PLPP3: variants seen among roughly 807,000 people sequenced by gnomAD.
PLPP3 encodes phospholipid phosphatase 3.
In PLPP3, 6 loss-of-function variants were observed where a neutral mutation model predicts 29.6. The observed-to-expected ratio is 0.20, with a 90% CI of 0.11 to 0.40. PLPP3 has a LOEUF of 0.40. PLPP3 is among the 10% of genes least tolerant of loss of function. The pLI is 1.00. For missense variants in PLPP3, 308 were observed against 407.7 expected, an observed-to-expected ratio of 0.76 and a Z score of 2.11; for synonymous variants, 152 against 159.7, an observed-to-expected ratio of 0.95 and a Z score of 0.36.
At chr1:56,572,659 A>G (rs1646207444) in intron 1 of PLPP3, among the ~76,000 whole-genome samples, 1 of 152,132 alleles carries the variant, frequency 6.6e-6, no homozygotes, top group Admixed American at 6.5e-5. Context: ...TCTTCTCAGA[A>G]TCTTTTTCCT....
chr1:56,518,361 T>C (rs75744004), intron 4 of PLPP3, among the ~76,000 whole-genome samples: 3,389 of 152,134 alleles, frequency 0.022, 124 homozygotes, highest in African/African-American at 0.077. Context: ...GCCACTTCCA[T>C]TTCCTTGGCA....
intron 1 of PLPP3, among the ~76,000 whole-genome samples, chr1:56,541,503 T>A (rs988162699): frequency 6.6e-6 from 1 of 152,160 alleles, no homozygotes; most frequent in African/African-American, 2.4e-5. Context: ...AGGCATTGAC[T>A]GGGCCACTGA....
intron 5 of PLPP3, among the ~76,000 whole-genome samples, chr1:56,497,071 C>T (rs370274222): frequency 1.5e-3 from 226 of 152,324 alleles, no homozygotes; most frequent in Middle Eastern, 0.01. Flanking sequence ...CCTTTCCTCA[C>T]AAAGGAATCC....
chr1:56,502,281 C>T (rs1000841746), intron 5 of PLPP3, among the ~76,000 whole-genome samples: 14 of 152,130 alleles, frequency 9.2e-5, no homozygotes, highest in South Asian at 4.1e-4. Context: ...CCCATCCTTA[C>T]GTAACACATT....
intron 4 of PLPP3, among the ~76,000 whole-genome samples, chr1:56,516,727 T>C (rs1398747765): frequency 6.6e-6 from 1 of 151,732 alleles, no homozygotes; most frequent in Non-Finnish European, 1.5e-5. Context: ...ACGTACAGCT[T>C]GTATATAATC....
chr1:56,553,013 C>T (rs1188009156), intron 1 of PLPP3, among the ~76,000 whole-genome samples: 4 of 152,160 alleles, frequency 2.6e-5, no homozygotes, highest in African/African-American at 7.2e-5. Flanking sequence ...ACTAGCTGGT[C>T]ATGTCCCAAA....
Position 56,511,924 on chromosome 1 carries a change from C to T in PLPP3, c.810+52G>A, listed in dbSNP as rs1034725673. On this transcript the variant is annotated intron_variant, in intron 5 of 5. Transcript: ENST00000371250. Reference sequence around the variant, plus strand: ...TAGTCACTGAGCTGGAAACATTTAACAAGCAACAGTCCAGGGCTCCACTTG... The same window carrying T: ...TAGTCACTGAGCTGGAAACATTTAATAAGCAACAGTCCAGGGCTCCACTTG... 38 of 1,599,860 alleles carry T rather than the reference C, an allele frequency of 2.4e-5. No individual in the cohort carries two copies. In the East Asian group the frequency reaches 4.9e-4, roughly 21 times the overall value.
At chr1:56,520,058 A>G (rs1035927145) in intron 4 of PLPP3, among the ~76,000 whole-genome samples, 3 of 152,298 alleles carry the variant, frequency 2.0e-5, no homozygotes, top group Admixed American at 1.3e-4. Context: ...GGGCAGTTCA[A>G]ACTTTTTTCA....
At chr1:56,567,673 A>G (rs1646170844) in intron 1 of PLPP3, among the ~76,000 whole-genome samples, 1 of 152,190 alleles carries the variant, frequency 6.6e-6, no homozygotes, top group Non-Finnish European at 1.5e-5. Context: ...CTGGGATTAC[A>G]GGCGTGAGCC....
At chr1:56,535,469 C>A (rs1342891897) in intron 2 of PLPP3, among the ~76,000 whole-genome samples, 2 of 152,160 alleles carry the variant, frequency 1.3e-5, no homozygotes, top group South Asian at 4.1e-4. Flanking sequence ...GTTGGGGAAG[C>A]AATGCTGTTG....
intron 1 of PLPP3, among the ~76,000 whole-genome samples, chr1:56,547,740 A>G (rs1334746617): frequency 6.6e-6 from 1 of 152,112 alleles, no homozygotes; most frequent in Non-Finnish European, 1.5e-5. Flanking sequence ...GCACACCCCT[A>G]ACCCATTTGC....
intron 1 of PLPP3, among the ~76,000 whole-genome samples, chr1:56,554,080 A>G (rs552288220): frequency 6.6e-6 from 1 of 151,974 alleles, no homozygotes; most frequent in East Asian, 1.9e-4. Flanking sequence ...TTTTTTTTTA[A>G]TGAGACTCGA....
Position 56,496,557 on chromosome 1 carries a change from C to G in PLPP3, c.930G>C (p.Met310Ile). Reference protein sequence around the residue: ...DIIDRNNHHNMM With the variant: ...DIIDRNNHHNIM ...CTCAGGAGGTGGGTGGCACCTACATCATGTTGTGGTGATTGTTCCTGTCAA... is the reference window on the plus strand; with the variant it reads ...CTCAGGAGGTGGGTGGCACCTACATGATGTTGTGGTGATTGTTCCTGTCAA... The change falls in exon 6 of 6, where the codon ATG (methionine) becomes ATC (isoleucine). Residue 310 changes from methionine to isoleucine, a missense_variant. Met to Ile is a conservative substitution (Grantham distance 10). Transcript: ENST00000371250. 2 of 1,613,914 alleles carry G rather than the reference C, an allele frequency of 1.2e-6. No individual in the cohort carries two copies. The highest frequency in any genetic ancestry group is 1.7e-6 in the Non-Finnish European group (2 of 1,179,922).
intron 5 of PLPP3, among the ~76,000 whole-genome samples, chr1:56,500,997 C>T (rs192424627): frequency 5.7e-4 from 57 of 99,928 alleles, no homozygotes; most frequent in Admixed American, 2.2e-3. Flanking sequence ...CAGCGAGACT[C>T]TGTCTCAGAC....
At chr1:56,508,429 G>A (rs934256474) in intron 5 of PLPP3, among the ~76,000 whole-genome samples, 7 of 152,184 alleles carry the variant, frequency 4.6e-5, no homozygotes, top group African/African-American at 1.7e-4. Context: ...GTAAAGGCTT[G>A]GCTCAGGAGG....
chr1:56,548,166 A>G (rs1646017596), intron 1 of PLPP3, among the ~76,000 whole-genome samples: 1 of 152,156 alleles, frequency 6.6e-6, no homozygotes, highest in Admixed American at 6.5e-5. Context: ...GGTGCTGTGG[A>G]TAGGACAACC....
chr1:56,569,319 C>A (rs2100306726), intron 1 of PLPP3, among the ~76,000 whole-genome samples: 1 of 152,014 alleles, frequency 6.6e-6, no homozygotes, highest in South Asian at 2.1e-4. Context: ...ATTACAGGCG[C>A]CTGCCACCAC....
In PLPP3 at chr1:56,512,146, G is replaced by T; in HGVS notation, c.640C>A (p.Leu214Met). ...CCTCGCCAAGTGAAGCGGGCCTGCA[G>T]GTATAGCTGGAGAAAGGAGACAAAA... ...MYTMLYLVLY[L>M]QARFTWRGAR... The change falls in exon 5 of 6, where the codon CTG becomes ATG. Residue 214 changes from leucine to methionine, a missense_variant. By Grantham distance (15) the Leu-to-Met change is conservative (BLOSUM62 2). Transcript: ENST00000371250. 1 of 1,594,474 alleles carries T rather than the reference G, an allele frequency of 6.3e-7. No homozygotes were observed. The highest frequency in any genetic ancestry group is 2.2e-5 in the East Asian group (1 of 44,488).
At chr1:56,535,820 C>T (rs1215797286) in intron 2 of PLPP3, among the ~76,000 whole-genome samples, 9 of 152,194 alleles carry the variant, frequency 5.9e-5, no homozygotes, top group Admixed American at 2.0e-4. Flanking sequence ...AGACTCTCAA[C>T]GTTCCAGTGA....
Sources: gnomAD v4.1 joint callset for allele counts (sites outside exome capture counted in the v4.1 genomes callset) on GRCh38, gnomAD v4.1.1 for gene constraint, MANE v1.5 for transcripts, NCBI Gene and HGNC (gene_info 2026-07-23, HGNC 2026-07-21) for gene names.